Variants in ULK4 observed in about 807,000 individuals in gnomAD.
ULK4 encodes unc-51 like kinase 4, also known as inactive serine/threonine-protein kinase ULK4.
In ULK4, 133 loss-of-function variants were observed where a neutral mutation model predicts 160.6. The ratio of observed to expected loss-of-function variants is 0.83; its 90% CI spans 0.72 to 0.96. The LOEUF is 0.96. Among genes scored for constraint, ULK4 ranks in the 40% least tolerant of loss-of-function variants. ULK4 has a pLI of 0.00. For synonymous variants in ULK4, 534 were observed against 539.8 expected (o/e 0.99, Z 0.15); for missense variants, 1,580 against 1,499.5 (o/e 1.05, Z -0.89).
chr3:41,602,667 T>TA (rs2032175050), intron 31 of ULK4, among the ~76,000 whole-genome samples: 1 of 152,134 alleles, frequency 6.6e-6, no homozygotes, highest in Non-Finnish European at 1.5e-5. Context: ...TATAATCTCC[T>TA]AAAAATGAGC....
At chr3:41,473,983 T>C (rs1237834480) in intron 32 of ULK4, among the ~76,000 whole-genome samples, 1 of 152,098 alleles carries the variant, frequency 6.6e-6, no homozygotes, top group African/African-American at 2.4e-5. Context: ...TTCATAAAAA[T>C]AGGCAAAACA....
chr3:41,270,210 C>T (rs1368556392), intron 35 of ULK4, among the ~76,000 whole-genome samples: 2 of 152,126 alleles, frequency 1.3e-5, no homozygotes, highest in African/African-American at 2.4e-5. Context: ...GGTGGTGATG[C>T]GGCACAGTCA....
intron 31 of ULK4, among the ~76,000 whole-genome samples, chr3:41,583,904 C>A (rs1169555681): frequency 6.6e-6 from 1 of 152,214 alleles, no homozygotes; most frequent in African/African-American, 2.4e-5. Context: ...GAAATGGCTA[C>A]AGCTCTGGTC....
At chr3:41,421,732 T>G (rs2082668776) in intron 34 of ULK4, among the ~76,000 whole-genome samples, 1 of 152,164 alleles carries the variant, frequency 6.6e-6, no homozygotes, top group Admixed American at 6.5e-5. Context: ...TCTGTGCTGT[T>G]TTAAAGTAGG....
chr3:41,922,789 T>C (rs984155594), intron 5 of ULK4, among the ~76,000 whole-genome samples: 4 of 152,066 alleles, frequency 2.6e-5, no homozygotes, highest in Admixed American at 6.6e-5. Context: ...ATGGACTCCA[T>C]GCAAAGAGAA....
chr3:41,484,458 C>CTTTTTTTTTTTTTTTTTTTTTTTTTT (rs369059587), intron 32 of ULK4, among the ~76,000 whole-genome samples: 3 of 134,864 alleles, frequency 2.2e-5, no homozygotes, highest in African/African-American at 2.8e-5. Flanking sequence ...CTTTCTTTTC[C>CTTTTTTTTTTTTTTTTTTTTTTTTTT]TTTTTTTGTT....
At position 41,609,800 on chromosome 3, in the gene ULK4, C is replaced by G. The variant is rs544555758; in HGVS notation, c.3120+5869G>C. 2.0e-5 allele frequency among the ~76,000 whole-genome samples: 3 copies of G among 152,064 alleles called. No individual in the cohort carries two copies. In the South Asian group the frequency reaches 6.2e-4, roughly 32 times the overall value. On this transcript the variant is annotated intron_variant, in intron 31 of 36. Transcript: ENST00000301831. Reference sequence around the variant, plus strand: ...CAGCCTGGTGAACATAGCAAGACCCCATCACTACAAACACTACGAAAAAAT... The same window carrying G: ...CAGCCTGGTGAACATAGCAAGACCCGATCACTACAAACACTACGAAAAAAT...
intron 32 of ULK4, among the ~76,000 whole-genome samples, chr3:41,494,333 T>A (rs1349590666): frequency 8.1e-6 from 1 of 123,704 alleles, no homozygotes; most frequent in Admixed American, 8.7e-5. Context: ...AAAAACCACA[T>A]GATTATCTCA....
chr3:41,448,668 C>T (rs2083359322), intron 34 of ULK4, among the ~76,000 whole-genome samples: 1 of 152,068 alleles, frequency 6.6e-6, no homozygotes, highest in African/African-American at 2.4e-5. Flanking sequence ...TGGTGGTGAC[C>T]TTCATGATAG....
chr3:41,689,130 C>T (rs2125802706), intron 27 of ULK4, among the ~76,000 whole-genome samples: 1 of 152,306 alleles, frequency 6.6e-6, no homozygotes, highest in South Asian at 2.1e-4. Flanking sequence ...CAGGGCACAC[C>T]TGAAGTCTTC....
At chr3:41,782,493 C>A (rs2039878970) in intron 21 of ULK4, among the ~76,000 whole-genome samples, 1 of 151,984 alleles carries the variant, frequency 6.6e-6, no homozygotes, top group African/African-American at 2.4e-5. Flanking sequence ...AAAAGAAAAC[C>A]TTAGTTTACT....
At chr3:41,787,307 C>T (rs570257446) in intron 21 of ULK4, among the ~76,000 whole-genome samples, 1 of 152,304 alleles carries the variant, frequency 6.6e-6, no homozygotes, top group East Asian at 1.9e-4. Context: ...GATGAGGCAT[C>T]CATTCCACTC....
At position 41,931,470 on chromosome 3, in the gene ULK4, T is replaced by TAAATAAAAAA. The variant is rs55969147; in HGVS notation, c.541+373_541+374insTTTTTTATTT. On this transcript the variant is annotated intron_variant, in intron 5 of 36. Transcript: ENST00000301831. ...TGTTCTGCACATGTACCCTAGAACT[T>TAAATAAAAAA]AAAAAAAAAAAAAAAAAAGAAAGAA... Among the ~76,000 whole-genome samples, 571 of 122,568 alleles carry TAAATAAAAAA rather than the reference T, an allele frequency of 4.7e-3. 102 individuals carry two copies. The highest frequency in any genetic ancestry group is 0.013 in the East Asian group (58 of 4,320). 80.4% of individuals were successfully genotyped at this position (122,568 alleles called of 152,430 possible).
Position 41,919,833 on chromosome 3 carries a change from T to C in ULK4, c.542-15A>G, listed in dbSNP as rs1006016427. The C allele has an allele frequency of 1.5e-5, 24 of 1,588,902 alleles. No individual in the cohort carries two copies. In the Admixed American group the frequency reaches 3.4e-4, roughly 22 times the overall value. On this transcript the variant is annotated splice_polypyrimidine_tract_variant and intron_variant, in intron 5 of 36. Transcript: ENST00000301831. ...TACAGGAGATCCTAAAAGCAAAGTA[T>C]GAAGAACAGCTCGGTTAGGCATTTG...
chr3:41,345,277 T>A (rs1202120670), intron 35 of ULK4, among the ~76,000 whole-genome samples: 1 of 152,208 alleles, frequency 6.6e-6, no homozygotes, highest in Non-Finnish European at 1.5e-5. Flanking sequence ...TTACTGGATA[T>A]ATACCCAAAG....
At chr3:41,581,405 C>T (rs925711769) in intron 31 of ULK4, among the ~76,000 whole-genome samples, 1 of 152,158 alleles carries the variant, frequency 6.6e-6, no homozygotes, top group African/African-American at 2.4e-5. Context: ...TTAATGAGAA[C>T]TTGTATACAT....
At chr3:41,939,703 TG>T (rs1226226568) in intron 2 of ULK4, among the ~76,000 whole-genome samples, 3 of 152,070 alleles carry the variant, frequency 2.0e-5, no homozygotes, top group Non-Finnish European at 4.4e-5. Context: ...CCCCAACTCC[TG>T]GGCCATGGAC....
chr3:41,650,023 T>C (rs1182190683), intron 30 of ULK4, among the ~76,000 whole-genome samples: 2 of 152,088 alleles, frequency 1.3e-5, no homozygotes, highest in Non-Finnish European at 2.9e-5. Flanking sequence ...ACTTTGGGTA[T>C]ACTCAACTTC....
chr3:41,533,065 T>C (rs537079027), intron 32 of ULK4, among the ~76,000 whole-genome samples: 52 of 152,308 alleles, frequency 3.4e-4, no homozygotes, highest in Admixed American at 4.6e-4. Flanking sequence ...AAACCTGAGC[T>C]AGCCTCCTTG....
Sources: gnomAD v4.1 joint callset for allele counts (sites outside exome capture counted in the v4.1 genomes callset) on GRCh38, gnomAD v4.1.1 for gene constraint, MANE v1.5 for transcripts, NCBI Gene and HGNC (gene_info 2026-07-23, HGNC 2026-07-21) for gene names.